Variants in CLVS1 observed in about 807,000 individuals in gnomAD.
CLVS1 encodes the protein clavesin 1.
CLVS1 carries 10 observed loss-of-function variants against 33.1 expected under a neutral mutation model. The ratio of observed to expected loss-of-function variants is 0.30; its 90% CI spans 0.19 to 0.51. The LOEUF is 0.51. Among genes scored for constraint, CLVS1 ranks in the 20% least tolerant of loss-of-function variants. The pLI is 0.97. For missense variants in CLVS1, 343 were observed against 433.4 expected (o/e 0.79, Z 1.85); for synonymous variants, 163 against 166.1 (o/e 0.98, Z 0.14).
chr8:61,331,264 T>A (rs1370261533), intron 2 of CLVS1, among the ~76,000 whole-genome samples: 6 of 152,090 alleles, frequency 3.9e-5, no homozygotes, highest in Admixed American at 3.3e-4. Context: ...TGTGAATCTG[T>A]TTTTTTCTGG....
chr8:61,034,572 G>C, the CLVS1 span, among the ~76,000 whole-genome samples: 1 of 151,954 alleles, frequency 6.6e-6, no homozygotes, highest in East Asian at 1.9e-4. Context: ...CTCTCTGCTT[G>C]TATGCATTCG....
chr8:60,974,287 T>C, the CLVS1 span, among the ~76,000 whole-genome samples: 3 of 152,228 alleles, frequency 2.0e-5, no homozygotes, highest in Non-Finnish European at 4.4e-5. Context: ...GCTCTGTTTG[T>C]GAAGCCCTGG....
At chr8:61,141,479 G>T (rs960619915) in intron 2 of CLVS1, among the ~76,000 whole-genome samples, 12 of 151,040 alleles carry the variant, frequency 7.9e-5, no homozygotes, top group African/African-American at 2.9e-4. Flanking sequence ...ATTGGCTTAT[G>T]TATATATATA....
chr8:61,100,996 T>C (rs1350805891), intron 1 of CLVS1, among the ~76,000 whole-genome samples: 2 of 152,240 alleles, frequency 1.3e-5, no homozygotes, highest in Non-Finnish European at 2.9e-5. Context: ...CATTGGTTGT[T>C]TTCATTTTTT....
At chr8:61,292,400 G>T (rs1333661670) in intron 1 of CLVS1, 3 of 456,068 alleles carry the variant, frequency 6.6e-6, no homozygotes, top group African/African-American at 2.0e-5. Flanking sequence ...ACATGGATCT[G>T]CTGGGAAAAC....
At chr8:61,088,710 A>G (rs1805173020) in intron 1 of CLVS1, among the ~76,000 whole-genome samples, 1 of 151,858 alleles carries the variant, frequency 6.6e-6, no homozygotes, top group Non-Finnish European at 1.5e-5. Context: ...GTTGAATCAA[A>G]TTCTGCCCCT....
chr8:61,428,053 G>A (rs1815960529), intron 3 of CLVS1, among the ~76,000 whole-genome samples: 1 of 152,190 alleles, frequency 6.6e-6, no homozygotes, highest in South Asian at 2.1e-4. Context: ...CCCTGATAGT[G>A]CTGTCTTTAT....
At chr8:61,247,457 G>A (rs774862717) in intron 2 of CLVS1, among the ~76,000 whole-genome samples, 15 of 152,062 alleles carry the variant, frequency 9.9e-5, no homozygotes, top group Admixed American at 2.6e-4. Flanking sequence ...CCTCATCAGC[G>A]TCTACTATTT....
At chr8:61,460,143 A>G (rs1345220671) in intron 5 of CLVS1, among the ~76,000 whole-genome samples, 1 of 152,226 alleles carries the variant, frequency 6.6e-6, no homozygotes, top group African/African-American at 2.4e-5. Context: ...CCCATAGCAT[A>G]TTGTTATGAA....
At chr8:61,489,026 A>G (rs1387910687) in intron 5 of CLVS1, among the ~76,000 whole-genome samples, 1 of 152,256 alleles carries the variant, frequency 6.6e-6, no homozygotes, top group Admixed American at 6.5e-5. Context: ...TGAATGCAGT[A>G]CATTTAGAAG....
chr8:61,368,923 A>G (rs73682278), intron 2 of CLVS1, among the ~76,000 whole-genome samples: 1,713 of 152,316 alleles, frequency 0.011, 26 homozygotes, highest in African/African-American at 0.037. Flanking sequence ...TGATTGAAAT[A>G]AGATAAAATT....
chr8:61,446,502 C>T (rs1300873144), intron 3 of CLVS1, among the ~76,000 whole-genome samples: 1 of 152,136 alleles, frequency 6.6e-6, no homozygotes, highest in Non-Finnish European at 1.5e-5. Flanking sequence ...CTGGTGGGGA[C>T]TATGTAACAT....
At chr8:61,060,051 C>T (rs1804557005) in intron 1 of CLVS1, among the ~76,000 whole-genome samples, 1 of 152,034 alleles carries the variant, frequency 6.6e-6, no homozygotes. Flanking sequence ...TCCGGAATGA[C>T]CTTGGCAGTA....
intron 2 of CLVS1, among the ~76,000 whole-genome samples, chr8:61,313,542 C>A (rs1415764785): frequency 6.6e-6 from 1 of 152,184 alleles, no homozygotes; most frequent in Admixed American, 6.5e-5. Context: ...ATCAATGCTG[C>A]CTCAGCCATG....
chr8:61,267,731 C>T (rs930582177), intron 2 of CLVS1, among the ~76,000 whole-genome samples: 1 of 152,168 alleles, frequency 6.6e-6, no homozygotes, highest in Non-Finnish European at 1.5e-5. Context: ...AGGTACATAG[C>T]TAATTTGGGT....
chr8:61,193,342 G>A (rs1439009892), intron 2 of CLVS1, among the ~76,000 whole-genome samples: 1 of 152,096 alleles, frequency 6.6e-6, no homozygotes, highest in Non-Finnish European at 1.5e-5. Context: ...GACACAGGAA[G>A]GGGAACATCA....
At chr8:61,292,549 G>A (rs1331970837) in intron 1 of CLVS1, 2 of 340,372 alleles carry the variant, frequency 5.9e-6, no homozygotes, top group Non-Finnish European at 5.9e-6. Context: ...AGACAGAAGG[G>A]TCAAGGTTTT....
intron 2 of CLVS1, among the ~76,000 whole-genome samples, chr8:61,350,436 T>C (rs551169589): frequency 6.6e-6 from 1 of 152,286 alleles, no homozygotes; most frequent in South Asian, 2.1e-4. Context: ...TATCAGAACA[T>C]ACTTTTCTCC....
intron 1 of CLVS1, 73 bp from the exon 2 acceptor site, chr8:61,299,604 G>C: frequency 1.9e-6 from 1 of 534,316 alleles, no homozygotes. Flanking sequence ...TTCTATCTAA[G>C]CTCCAATTAA....
Sources: allele counts gnomAD v4.1 joint callset (sites outside exome capture counted in the v4.1 genomes callset), GRCh38; gene constraint gnomAD v4.1.1; transcripts MANE v1.5; gene names NCBI Gene and HGNC (gene_info 2026-07-23, HGNC 2026-07-21).